FSTL5: variants seen among roughly 807,000 people sequenced by gnomAD.
FSTL5 encodes follistatin like 5, also known as follistatin-related protein 5.
Under a neutral mutation model 89.1 loss-of-function variants are expected in FSTL5, and 62 were observed. The ratio of observed to expected loss-of-function variants is 0.70; its 90% CI spans 0.57 to 0.86. The LOEUF (loss-of-function observed/expected upper bound fraction) is 0.86. Ranked by LOEUF, FSTL5 falls within the 40% of genes least tolerant of loss-of-function variation. FSTL5 has a pLI of 0.00. For synonymous variants in FSTL5, 383 were observed against 346.2 expected (o/e 1.11, Z -1.18); for missense variants, 1,057 against 1,001.6 (o/e 1.06, Z -0.75).
intron 3 of FSTL5, among the ~76,000 whole-genome samples, chr4:161,959,929 A>G (rs1286050786): frequency 6.6e-6 from 1 of 152,110 alleles, no homozygotes; most frequent in Non-Finnish European, 1.5e-5. Context: ...GGCTTCTCCT[A>G]TTCCTGTCAA....
At chr4:161,820,116 A>C (rs1056548541) in intron 4 of FSTL5, among the ~76,000 whole-genome samples, 3 of 152,174 alleles carry the variant, frequency 2.0e-5, no homozygotes, top group African/African-American at 7.2e-5. Context: ...ATTCACAAAA[A>C]TTCACCAGAA....
At chr4:162,095,114 T>C (rs1482655303) in intron 2 of FSTL5, among the ~76,000 whole-genome samples, 1 of 152,064 alleles carries the variant, frequency 6.6e-6, no homozygotes, top group Non-Finnish European at 1.5e-5. Context: ...AAAATATAGA[T>C]TAATAAGAAA....
intron 2 of FSTL5, among the ~76,000 whole-genome samples, chr4:162,085,384 A>G (rs1730271719): frequency 6.6e-6 from 1 of 152,086 alleles, no homozygotes; most frequent in African/African-American, 2.4e-5. Flanking sequence ...AAAGTACTTA[A>G]CAATCAGGAG....
At chr4:161,596,357 A>G (rs1734010981) in intron 7 of FSTL5, among the ~76,000 whole-genome samples, 1 of 151,986 alleles carries the variant, frequency 6.6e-6, no homozygotes, top group Admixed American at 6.6e-5. Context: ...ACTAACACGA[A>G]TTGAAACTAT....
intron 4 of FSTL5, among the ~76,000 whole-genome samples, chr4:161,779,635 T>C (rs1741545952): frequency 1.3e-5 from 2 of 151,330 alleles, no homozygotes; most frequent in African/African-American, 2.4e-5. Context: ...CATATCTCCC[T>C]TTTATCCACT....
At position 161,710,663 on chromosome 4, in the gene FSTL5, G is replaced by T. The variant is rs528967749; in HGVS notation, c.727+48748C>A. On this transcript the variant is annotated intron_variant, in intron 6 of 15. Coordinates refer to ENST00000306100, the MANE Select transcript of FSTL5 (RefSeq NM_020116.5). ...AGGAACACTTGCCTTTCTTCCAATT[G>T]TGCAAAAGAAAAAAATATCCCATTG... 1.3e-4 allele frequency among the ~76,000 whole-genome samples: 20 copies of T among 152,178 alleles called. No homozygotes were observed. In the South Asian group the frequency reaches 4.1e-3, roughly 32 times the overall value.
chr4:161,732,223 G>C (rs962669109), intron 6 of FSTL5, among the ~76,000 whole-genome samples: 6 of 151,850 alleles, frequency 4.0e-5, no homozygotes, highest in Admixed American at 3.9e-4. Flanking sequence ...AGCTTATTGT[G>C]GTTTTAATTT....
intron 3 of FSTL5, among the ~76,000 whole-genome samples, chr4:161,924,154 C>G (rs1734063438): frequency 6.6e-6 from 1 of 151,440 alleles, no homozygotes; most frequent in Admixed American, 6.6e-5. Context: ...TATCAAATAG[C>G]ATTTACTCCT....
intron 2 of FSTL5, among the ~76,000 whole-genome samples, chr4:162,084,854 AT>A (rs1303646115): frequency 1.3e-5 from 2 of 152,088 alleles, no homozygotes; most frequent in African/African-American, 4.8e-5. Context: ...GCAAACCACC[AT>A]GGCAGGTGTA....
intron 7 of FSTL5, among the ~76,000 whole-genome samples, chr4:161,606,275 C>T (rs959875388): frequency 6.7e-5 from 9 of 133,814 alleles, no homozygotes; most frequent in East Asian, 4.3e-4. Context: ...GACGGAGTCT[C>T]ACGCTGACGC....
chr4:162,040,123 C>T (rs1251025573), intron 2 of FSTL5, among the ~76,000 whole-genome samples: 1 of 152,030 alleles, frequency 6.6e-6, no homozygotes, highest in African/African-American at 2.4e-5. Context: ...CTTCCCTTCT[C>T]TCTGATTGTA....
chr4:161,675,160 C>A (rs1737259555), intron 6 of FSTL5, among the ~76,000 whole-genome samples: 1 of 152,078 alleles, frequency 6.6e-6, no homozygotes. Flanking sequence ...AAAAACGTAA[C>A]AATTGATCAG....
chr4:161,678,853 A>T (rs192570508), intron 6 of FSTL5, among the ~76,000 whole-genome samples: 60 of 151,948 alleles, frequency 3.9e-4, no homozygotes, highest in Middle Eastern at 3.4e-3. Flanking sequence ...AATGCTAAAT[A>T]AAACATTAGT....
intron 7 of FSTL5, among the ~76,000 whole-genome samples, chr4:161,631,157 T>C (rs1735493065): frequency 6.6e-6 from 1 of 152,236 alleles, no homozygotes; most frequent in Non-Finnish European, 1.5e-5. Context: ...TTGTTGATTC[T>C]ATGCCCTGAG....
At chr4:161,557,430 C>T (rs1732431281) in intron 8 of FSTL5, among the ~76,000 whole-genome samples, 1 of 151,500 alleles carries the variant, frequency 6.6e-6, no homozygotes. Context: ...TTATTTTACA[C>T]TTAGTAAAAT....
chr4:162,133,805 A>G (rs1732413588), intron 1 of FSTL5, among the ~76,000 whole-genome samples: 1 of 152,238 alleles, frequency 6.6e-6, no homozygotes, highest in African/African-American at 2.4e-5. Context: ...ATAATGATAA[A>G]GGATAGAGAT....
chr4:162,013,198 AAT>A (rs200775298), intron 3 of FSTL5, among the ~76,000 whole-genome samples: 16 of 150,154 alleles, frequency 1.1e-4, no homozygotes, highest in Admixed American at 3.3e-4. Context: ...AAAAAAAAAA[AAT>A]TTTCAGTATA....
intron 12 of FSTL5, among the ~76,000 whole-genome samples, 174 bp from the exon 13 acceptor site, chr4:161,481,343 A>G (rs1729497248): frequency 6.6e-6 from 1 of 152,152 alleles, no homozygotes; most frequent in African/African-American, 2.4e-5. Flanking sequence ...ATATGTATAG[A>G]AAGCAATGTA....
intron 2 of FSTL5, among the ~76,000 whole-genome samples, chr4:162,072,253 G>T (rs914686267): frequency 6.6e-6 from 1 of 151,690 alleles, no homozygotes; most frequent in African/African-American, 2.4e-5. Context: ...CTTCACATCT[G>T]CAAAGCCAAA....
Sources: gnomAD v4.1 joint callset for allele counts (sites outside exome capture counted in the v4.1 genomes callset) on GRCh38, gnomAD v4.1.1 for gene constraint, MANE v1.5 for transcripts, NCBI Gene and HGNC (gene_info 2026-07-23, HGNC 2026-07-21) for gene names.